Variants in SORL1 observed in about 807,000 individuals in gnomAD.
SORL1 encodes sortilin related receptor 1.
Under a neutral mutation model 273.7 loss-of-function variants are expected in SORL1, and 127 were observed. The observed-to-expected ratio is 0.46, with a 90% CI of 0.40 to 0.54. The LOEUF (loss-of-function observed/expected upper bound fraction) is 0.54, where lower values mean the gene tolerates loss of function less well. SORL1 is among the 20% of genes least tolerant of loss of function. The pLI, the probability that SORL1 is intolerant of heterozygous loss-of-function variation, is 0.00. For missense variants in SORL1, 2,494 were observed against 2,846.1 expected (o/e 0.88, Z 2.81); for synonymous variants, 1,031 against 1,067.4 (o/e 0.97, Z 0.66).
At chr11:121,547,720 CAATTG>C (rs952245430) in intron 14 of SORL1, among the ~76,000 whole-genome samples, 11 of 152,104 alleles carry the variant, frequency 7.2e-5, no homozygotes, top group African/African-American at 2.7e-4. Flanking sequence ...CCACCCCTCC[CAATTG>C]TTTCTCTGCT....
intron 12 of SORL1, among the ~76,000 whole-genome samples, chr11:121,541,265 A>T (rs1330742740): frequency 6.6e-6 from 1 of 150,608 alleles, no homozygotes; most frequent in Admixed American, 6.6e-5. Flanking sequence ...GCAGTGGTGC[A>T]GTCATGGCAC....
intron 6 of SORL1, among the ~76,000 whole-genome samples, chr11:121,498,133 A>T (rs1023472031): frequency 1.6e-4 from 24 of 152,224 alleles, no homozygotes; most frequent in African/African-American, 5.3e-4. Context: ...TTTTCTTGTC[A>T]GGCCATTTGC....
At chr11:121,541,256 C>G (rs952239722) in intron 12 of SORL1, among the ~76,000 whole-genome samples, 1 of 151,076 alleles carries the variant, frequency 6.6e-6, no homozygotes, top group Non-Finnish European at 1.5e-5. Context: ...GGTGGGACTG[C>G]AGTGGTGCAG....
rs1862492267 is a variant in SORL1, at chr11:121,550,550, G to A, written c.2181-35G>A. On this transcript the variant is annotated intron_variant, in intron 15 of 47. Transcript: ENST00000260197. This position sits in a 1 kb window ranked among gnomAD's most constrained non-coding sequence, Gnocchi z 5.3. ...GATGCCTTTGTGGCTATTCTTCCAT[G>A]TTTCTGACCTCTTGCTCTTGGGGTG... The A allele has an allele frequency of 6.3e-7, 1 of 1,599,032 alleles. No individual in the cohort carries two copies. The highest frequency in any genetic ancestry group is 2.2e-5 in the East Asian group (1 of 44,766).
intron 25 of SORL1, among the ~76,000 whole-genome samples, chr11:121,579,656 G>T (rs769162050): frequency 2.6e-5 from 4 of 152,072 alleles, no homozygotes; most frequent in Admixed American, 1.3e-4. Flanking sequence ...TCTGCCTACA[G>T]TTCCAGTACT....
intron 9 of SORL1, among the ~76,000 whole-genome samples, chr11:121,521,869 C>T (rs1862045538): frequency 6.6e-6 from 1 of 152,180 alleles, no homozygotes; most frequent in African/African-American, 2.4e-5. Context: ...TGTGCAGAAC[C>T]CTGGCCACAT....
At chr11:121,453,182 AT>A (rs1198656722) in intron 1 of SORL1, among the ~76,000 whole-genome samples, 1 of 152,262 alleles carries the variant, frequency 6.6e-6, no homozygotes, top group East Asian at 1.9e-4. Flanking sequence ...GATGCTCTCC[AT>A]TCCTTCTTCC....
At chr11:121,608,052 T>C (rs1863505363) in intron 37 of SORL1, 52 bp from the exon 38 acceptor site, 11 of 1,468,172 alleles carry the variant, frequency 7.5e-6, no homozygotes, top group Non-Finnish European at 1.1e-5. Context: ...TACTGTATGG[T>C]GTATGGTGTA....
chr11:121,497,867 A>G (rs1159220023), intron 6 of SORL1, among the ~76,000 whole-genome samples: 1 of 152,116 alleles, frequency 6.6e-6, no homozygotes. Flanking sequence ...GTTGTCTTTC[A>G]CTGTTAACCT....
chr11:121,618,960 A>C, intron 42 of SORL1, 67 bp downstream of exon 42: 3 of 1,579,288 alleles, frequency 1.9e-6, no homozygotes, highest in East Asian at 2.3e-5. Context: ...GTCTCAACCC[A>C]GGACCTGGGG....
chr11:121,469,941 C>A, intron 1 of SORL1, 66 bp from the exon 2 acceptor site: 1 of 1,067,570 alleles, frequency 9.4e-7, no homozygotes, highest in Non-Finnish European at 1.5e-6. Context: ...AGGAAAGAGT[C>A]TTGATTTAGA....
At chr11:121,456,277 A>G (rs1164406564) in intron 1 of SORL1, among the ~76,000 whole-genome samples, 1 of 152,172 alleles carries the variant, frequency 6.6e-6, no homozygotes, top group Admixed American at 6.5e-5. Context: ...TGGAGGCAGC[A>G]CTTACTGCCT....
intron 41 of SORL1, among the ~76,000 whole-genome samples, chr11:121,616,710 TC>T (rs1863647530): frequency 6.6e-6 from 1 of 152,264 alleles, no homozygotes; most frequent in African/African-American, 2.4e-5. Context: ...GTCTGTGTTC[TC>T]CCATCTGTCT....
At position 121,627,613 on chromosome 11, in the gene SORL1, G is replaced by T; in HGVS notation, c.6423G>T (p.Val2141=). The change falls in exon 47 of 48, where the codon GTG becomes GTT. Residue 2141 remains valine (V), a synonymous_variant. Transcript: ENST00000260197. This position sits in a 1 kb window ranked among gnomAD's most constrained non-coding sequence, Gnocchi z 4.9. The stretch of plus-strand genomic sequence containing the variant: ...CTACGGATGTTGCTGCTGTGGTGGT[G>T]CCCATCTTATTCCTGATACTGCTGA... ...ARSTDVAAVV[V]PILFLILLSL... 1 of 1,614,176 alleles carries T rather than the reference G, an allele frequency of 6.2e-7. No individual in the cohort carries two copies.
At chr11:121,584,570 T>A (rs1053072670) in intron 26 of SORL1, among the ~76,000 whole-genome samples, 5 of 152,150 alleles carry the variant, frequency 3.3e-5, no homozygotes, top group Non-Finnish European at 5.9e-5. Flanking sequence ...AAAGGCTATC[T>A]ATGACTGCCT....
rs750902533 is a variant in SORL1, at chr11:121,615,081, AAAGT to A, written c.5604+27_5604+30del. ...GTGAGTCAGCCAGAATGACCATCAC[AAAGT>A]GAGTGTGGACTGTCCCCTAATGCTA... is the stretch of plus-strand genomic sequence containing the variant. On this transcript the variant is annotated intron_variant, in intron 41 of 47. Coordinates refer to ENST00000260197, the MANE Select transcript of SORL1 (RefSeq NM_003105.6). 5.1e-6 allele frequency: 8 copies of A among 1,572,264 alleles called. No individual in the cohort carries two copies. In the South Asian group the frequency reaches 9.3e-5, roughly 18 times the overall value.
At position 121,452,751 on chromosome 11, in the gene SORL1, C is replaced by T; in HGVS notation, c.285+135C>T. On this transcript the variant is annotated intron_variant, in intron 1 of 47. Coordinates refer to ENST00000260197, the MANE Select transcript of SORL1 (RefSeq NM_003105.6). The surrounding 1 kb of genome is among the most constrained non-coding windows in gnomAD (Gnocchi z 5.3). ...CTTCCCGGCTTGCATTTGTTTTTTT[C>T]CTTCACGAGTACAACCGTCAGCACT... 2 of 722,170 alleles carry T rather than the reference C, an allele frequency of 2.8e-6. No homozygotes were observed. Among genetic ancestry groups the T allele is most frequent in the Non-Finnish European group, 4.1e-6 (2 of 484,888 alleles). The allele number at this position is 722,170 out of a possible 1,614,324, so 44.7% of individuals were successfully genotyped here.
At chr11:121,589,225 T>C (rs1445594722) in intron 28 of SORL1, 34 bp from the exon 29 acceptor site, 2 of 1,610,468 alleles carry the variant, frequency 1.2e-6, no homozygotes, top group African/African-American at 2.7e-5. Context: ...GCATGGAAGT[T>C]CCTGGACTTC....
chr11:121,589,503 C>T, intron 29 of SORL1, 113 bp downstream of exon 29: 1 of 1,321,706 alleles, frequency 7.6e-7, no homozygotes, highest in Non-Finnish European at 1.1e-6. Context: ...TCCCGTAACT[C>T]AGCAGCAGTT....
Sources: allele counts gnomAD v4.1 joint callset (sites outside exome capture counted in the v4.1 genomes callset), GRCh38; gene constraint gnomAD v4.1.1; non-coding constraint Gnocchi (gnomAD v3.1); transcripts MANE v1.5; gene names NCBI Gene and HGNC (gene_info 2026-07-23, HGNC 2026-07-21).